Variants in UTY observed in about 807,000 individuals in gnomAD.
UTY encodes the protein histone demethylase UTY.
In UTY, 12 loss-of-function variants were observed where a neutral mutation model predicts 32.5. The ratio of observed to expected loss-of-function variants is 0.37; its 90% CI spans 0.24 to 0.60. The LOEUF is 0.60. UTY is among the 20% of genes least tolerant of loss of function. UTY has a pLI of 0.69. For missense variants in UTY, 303 were observed against 299.2 expected, an observed-to-expected ratio of 1.01 and a Z score of -0.09; for synonymous variants, 131 against 103.4, an observed-to-expected ratio of 1.27 and a Z score of -1.62.
At chrY:13,445,963 T>C (rs763771203) in intron 4 of UTY, among the ~76,000 whole-genome samples, 3 of 33,690 alleles carry the variant, frequency 8.9e-5, no homozygotes, top group Admixed American at 5.4e-4. Context: ...AATTGTGGTA[T>C]AAATATACAC....
At chrY:13,424,698 CAGAG>C (rs2073063322) in intron 4 of UTY, among the ~76,000 whole-genome samples, 1 of 32,716 alleles carries the variant, frequency 3.1e-5, no homozygotes, top group Non-Finnish European at 7.5e-5. Context: ...GCCTGGGCGA[CAGAG>C]AGAGATCCCG....
chrY:13,273,968 T>G, intron 27 of UTY, among the ~76,000 whole-genome samples: 1 of 24,228 alleles, frequency 4.1e-5, no homozygotes, highest in African/African-American at 3.2e-4. Context: ...TGCAACATTA[T>G]TTCCACTACT....
At chrY:13,237,097 C>A in intron 28 of UTY, among the ~76,000 whole-genome samples, 1 of 33,852 alleles carries the variant, frequency 3.0e-5, no homozygotes, top group Non-Finnish European at 7.3e-5. Context: ...TTCTTTCTTG[C>A]AGACTGTACA....
intron 27 of UTY, among the ~76,000 whole-genome samples, chrY:13,290,397 T>C: frequency 6.0e-5 from 2 of 33,235 alleles, no homozygotes; most frequent in Non-Finnish European, 1.5e-4. Flanking sequence ...TACCAATAAA[T>C]TAGAAAACCT....
rs574101865 is a variant in UTY at position 13,314,321 on chromosome Y, G to A, written c.3277-8071C>T. On this transcript the variant is annotated intron_variant, in intron 21 of 29. Transcript: ENST00000545955. ...CCCAGCTACTCAGGAGGCTGAGGCA[G>A]GAGAATGGCCTGAACCCAGGAGGTG... 4.5e-4 allele frequency among the ~76,000 whole-genome samples: 15 copies of A among 33,331 alleles called. No individual in the cohort carries two copies. In the South Asian group the frequency reaches 0.01, roughly 22 times the overall value. 89.4% of individuals were successfully genotyped at this position (33,331 alleles called of 37,273 possible).
At chrY:13,255,776 C>T in intron 28 of UTY, among the ~76,000 whole-genome samples, 2 of 33,727 alleles carry the variant, frequency 5.9e-5, no homozygotes, top group African/African-American at 2.3e-4. Flanking sequence ...TTTGCATTTA[C>T]AATTTCTGCG....
intron 8 of UTY, among the ~76,000 whole-genome samples, chrY:13,386,026 G>A: frequency 3.2e-5 from 1 of 31,104 alleles, no homozygotes; most frequent in Non-Finnish European, 7.8e-5. Flanking sequence ...TTTATTCACT[G>A]AGGGAAGAAC....
intron 10 of UTY, among the ~76,000 whole-genome samples, chrY:13,362,511 A>T (rs975677688): frequency 5.9e-5 from 2 of 34,117 alleles, no homozygotes; most frequent in African/African-American, 2.3e-4. Context: ...TGAAAAGCTA[A>T]ATAAATATTC....
In UTY at chrY:13,479,267, G is replaced by C; in HGVS notation, c.203C>G (p.Thr68Ser). 2.5e-6 allele frequency: 1 copy of C among 398,505 alleles called. No individual in the cohort carries two copies. Among genetic ancestry groups the C allele is most frequent in the South Asian group, 3.0e-5 (1 of 33,765 alleles). ...GGTTGCTTTTACCTTGCCTAGTAGGGTCTTCGTTCTGGCGCCATCTTCATG... is the reference window on the plus strand; with the variant it reads ...GGTTGCTTTTACCTTGCCTAGTAGGCTCTTCGTTCTGGCGCCATCTTCATG... ...RLHEDGARTK[T>S]LLGKAVRCYE... The change falls in exon 2 of 30, where the codon ACC (threonine) becomes AGC (serine). Residue 68 changes from threonine to serine, a missense_variant. Coordinates refer to ENST00000545955, the MANE Select transcript of UTY (RefSeq NM_001258249.2).
chrY:13,402,957 C>T (rs2069298887), intron 6 of UTY, among the ~76,000 whole-genome samples: 1 of 33,437 alleles, frequency 3.0e-5, no homozygotes, highest in Non-Finnish European at 7.4e-5. Flanking sequence ...TATGCATCTG[C>T]TGAATGTAAC....
At position 13,335,803 on chromosome Y, in the gene UTY, G is replaced by A; in HGVS notation, c.2594C>T (p.Ser865Leu). ...TDHSVASSPS[S>L]AISTATPSPK... ...AGAAGGTGTTGCTGTGGAAATGGCTGAAGAGGGTGAAGAGGCAACAGAATG... is the reference window on the plus strand; with the variant it reads ...AGAAGGTGTTGCTGTGGAAATGGCTAAAGAGGGTGAAGAGGCAACAGAATG... The change falls in exon 18 of 30, where the codon TCA (serine) becomes TTA (leucine). Residue 865 changes from serine (S) to leucine (L), a missense_variant. Physicochemically the swap from Ser to Leu is moderately radical, Grantham distance 145. Transcript: ENST00000545955. The A allele has an allele frequency of 2.5e-6, 1 of 398,957 alleles. No individual in the cohort carries two copies. The highest frequency in any genetic ancestry group is 3.5e-6 in the Non-Finnish European group (1 of 283,626).
intron 4 of UTY, among the ~76,000 whole-genome samples, chrY:13,438,036 A>G: frequency 3.0e-5 from 1 of 33,047 alleles, no homozygotes. Flanking sequence ...GTGAGCGGAA[A>G]GAGGCCATGT....
intron 27 of UTY, among the ~76,000 whole-genome samples, chrY:13,291,549 T>G (rs2057761328): frequency 3.1e-5 from 1 of 32,387 alleles, no homozygotes; most frequent in East Asian, 8.1e-4. Flanking sequence ...TGGGGCTTTT[T>G]GGAGGGCGTG....
intron 4 of UTY, among the ~76,000 whole-genome samples, chrY:13,431,555 C>G (rs887384978): frequency 3.1e-4 from 10 of 32,324 alleles, no homozygotes; most frequent in African/African-American, 1.2e-3. Flanking sequence ...TGATCTTTTT[C>G]GTCATCATAA....
chrY:13,317,165 G>C (rs2059535385), intron 21 of UTY, among the ~76,000 whole-genome samples: 1 of 32,254 alleles, frequency 3.1e-5, no homozygotes, highest in Non-Finnish European at 7.6e-5. Context: ...TACCATGCCC[G>C]GCAAATTTTC....
chrY:13,325,857 C>G (rs2060203626), intron 19 of UTY, among the ~76,000 whole-genome samples: 1 of 33,613 alleles, frequency 3.0e-5, no homozygotes, highest in Non-Finnish European at 7.4e-5. Flanking sequence ...TGGTCAAGAA[C>G]CTTTTCTGTC....
chrY:13,255,634 A>G (rs2148398390), intron 28 of UTY, among the ~76,000 whole-genome samples: 1 of 33,862 alleles, frequency 3.0e-5, no homozygotes, highest in African/African-American at 1.1e-4. Context: ...CCATCAATTC[A>G]GTTATACAAC....
intron 4 of UTY, among the ~76,000 whole-genome samples, chrY:13,441,838 G>A (rs2075209788): frequency 3.0e-5 from 1 of 33,476 alleles, no homozygotes; most frequent in African/African-American, 1.2e-4. Flanking sequence ...CTAAAACATC[G>A]TTCTTCCTGT....
At chrY:13,246,263 G>T (rs1016222648), downstream of UTY, among the ~76,000 whole-genome samples, 4 of 33,387 alleles carry the variant, frequency 1.2e-4, no homozygotes, top group Non-Finnish European at 2.9e-4. Flanking sequence ...GACAACTCTT[G>T]AACACAAACT....
Sources: gnomAD v4.1 joint callset for allele counts (sites outside exome capture counted in the v4.1 genomes callset) on GRCh38, gnomAD v4.1.1 for gene constraint, MANE v1.5 for transcripts, NCBI Gene and HGNC (gene_info 2026-07-23, HGNC 2026-07-21) for gene names.